Variants in PRKAG2 observed in about 807,000 individuals in gnomAD.
PRKAG2 encodes the protein protein kinase AMP-activated non-catalytic subunit gamma 2.
Under a neutral mutation model 69.6 loss-of-function variants are expected in PRKAG2, and 26 were observed. That is an observed-to-expected ratio of 0.37 (90% CI 0.27 to 0.52). PRKAG2 has a LOEUF of 0.52. PRKAG2 is among the 20% of genes least tolerant of loss of function. PRKAG2 has a pLI of 0.90. For synonymous variants in PRKAG2, 293 were observed against 285.0 expected, an observed-to-expected ratio of 1.03 and a Z score of -0.28; for missense variants, 557 against 740.0, an observed-to-expected ratio of 0.75 and a Z score of 2.87.
intron 15 of PRKAG2, chr7:151,558,488 G>A (rs1438328238): frequency 3.1e-6 from 3 of 980,434 alleles, no homozygotes; most frequent in African/African-American, 3.5e-5. Flanking sequence ...TGGGGCTGAA[G>A]GAGGTGAAGC....
intron 3 of PRKAG2, among the ~76,000 whole-genome samples, chr7:151,727,393 C>T (rs906079011): frequency 1.3e-5 from 2 of 152,032 alleles, no homozygotes; most frequent in East Asian, 1.9e-4. Flanking sequence ...GTGGGGAGGA[C>T]CCCAGGTGAG....
chr7:151,674,101 C>T (rs994663198), intron 4 of PRKAG2, among the ~76,000 whole-genome samples: 15 of 152,268 alleles, frequency 9.9e-5, no homozygotes, highest in African/African-American at 3.4e-4. Context: ...CCTTGGCCTT[C>T]CAAAGTGCTG....
At chr7:151,833,555 G>A (rs1013664612) in intron 1 of PRKAG2, among the ~76,000 whole-genome samples, 11 of 152,158 alleles carry the variant, frequency 7.2e-5, no homozygotes, top group African/African-American at 1.2e-4. Flanking sequence ...AGAGCGGGGC[G>A]GCAGGAGTGT....
chr7:151,726,959 T>C (rs1002978994), intron 3 of PRKAG2, among the ~76,000 whole-genome samples: 8 of 152,156 alleles, frequency 5.3e-5, no homozygotes, highest in African/African-American at 1.9e-4. Context: ...CTCACACCTG[T>C]AATCCCAGCG....
At chr7:151,864,071 G>A (rs2080000990) in intron 1 of PRKAG2, among the ~76,000 whole-genome samples, 1 of 152,204 alleles carries the variant, frequency 6.6e-6, no homozygotes, top group South Asian at 2.1e-4. Context: ...GAGGAGGGAG[G>A]TGATAGAGAA....
intron 5 of PRKAG2, among the ~76,000 whole-genome samples, chr7:151,604,639 C>T (rs12668489): frequency 0.36 from 54,148 of 151,564 alleles, 11,878 homozygotes; most frequent in East Asian, 0.53. Flanking sequence ...CTCTGTCACA[C>T]ACACATACAC....
At chr7:151,648,832 C>T (rs767163928) in intron 4 of PRKAG2, among the ~76,000 whole-genome samples, 25 of 151,932 alleles carry the variant, frequency 1.6e-4, no homozygotes, top group Non-Finnish European at 1.8e-4. Context: ...CCCAAGGCAA[C>T]ATAGTGAGAC....
chr7:151,610,094 T>C (rs1397799978), intron 5 of PRKAG2, among the ~76,000 whole-genome samples: 2 of 152,214 alleles, frequency 1.3e-5, no homozygotes, highest in Non-Finnish European at 2.9e-5. Flanking sequence ...AGAACCTTAG[T>C]GTGGCTCACA....
intron 1 of PRKAG2, among the ~76,000 whole-genome samples, chr7:151,826,193 T>TG (rs1462627184): frequency 2.0e-5 from 3 of 151,658 alleles, no homozygotes; most frequent in African/African-American, 7.3e-5. Context: ...TTGTTGTTGT[T>TG]TTTTTTTGAC....
At chr7:151,751,693 G>GTTTT (rs1422890201) in intron 3 of PRKAG2, among the ~76,000 whole-genome samples, 10 of 151,372 alleles carry the variant, frequency 6.6e-5, no homozygotes. Context: ...TTGTTTGTTT[G>GTTTT]TTTGTTTGTT....
At position 151,583,061 on chromosome 7, in the gene PRKAG2, C is replaced by T. The variant is rs1810855944; in HGVS notation, c.865-6609G>A. Reference sequence around the variant, plus strand: ...TTGGAGACAGGGTCTTACTCTGTTGCCCAGGCTCAAGTATAGTGGTATGAT... The same window carrying T: ...TTGGAGACAGGGTCTTACTCTGTTGTCCAGGCTCAAGTATAGTGGTATGAT... On this transcript the variant is annotated intron_variant, in intron 6 of 15. Transcript: ENST00000287878. This position sits in a 1 kb window ranked among gnomAD's most constrained non-coding sequence, Gnocchi z 4.1. Among the ~76,000 whole-genome samples, 2 of 152,188 alleles carry T rather than the reference C, an allele frequency of 1.3e-5. No homozygotes were observed. The highest frequency in any genetic ancestry group is 4.8e-5 in the African/African-American group (2 of 41,434).
intron 3 of PRKAG2, among the ~76,000 whole-genome samples, chr7:151,718,756 T>C (rs887842073): frequency 3.9e-5 from 6 of 152,050 alleles, no homozygotes; most frequent in African/African-American, 1.4e-4. Context: ...TCTGGGCCCG[T>C]AGCTGACTGG....
In PRKAG2 at chr7:151,807,912, G is replaced by A. The variant is rs182056425; in HGVS notation, c.115-21371C>T. Among the ~76,000 whole-genome samples the A allele has an allele frequency of 1.1e-3, 170 of 152,264 alleles. 1 individual carries two copies. In the East Asian group the frequency reaches 0.02, roughly 18 times the overall value. ...TAAAAGTCGGGGGAAGCCTGTAGTG[G>A]GGACGCTAGACTCAAGGGAAGGCTC... On this transcript the variant is annotated intron_variant, in intron 1 of 15. Coordinates refer to ENST00000287878, the MANE Select transcript of PRKAG2 (RefSeq NM_016203.4). The surrounding 1 kb of genome is among the most constrained non-coding windows in gnomAD (Gnocchi z 4.4).
In PRKAG2 at chr7:151,627,791, T is replaced by A. The variant is rs548367573; in HGVS notation, c.754+4278A>T. ...GATCCTCCCACCTCAGCCTCCCAAGTAGCCGGAACCACAGGCGTGCACCAC... is the reference window on the plus strand; with the variant it reads ...GATCCTCCCACCTCAGCCTCCCAAGAAGCCGGAACCACAGGCGTGCACCAC... On this transcript the variant is annotated intron_variant, in intron 5 of 15. Coordinates refer to ENST00000287878, the MANE Select transcript of PRKAG2 (RefSeq NM_016203.4). 1.6e-3 allele frequency among the ~76,000 whole-genome samples: 243 copies of A among 152,280 alleles called. 3 individuals carry two copies. The highest frequency in any genetic ancestry group is 5.6e-3 in the African/African-American group (231 of 41,566).
At chr7:151,859,898 C>T (rs550212484) in intron 1 of PRKAG2, among the ~76,000 whole-genome samples, 1 of 152,308 alleles carries the variant, frequency 6.6e-6, no homozygotes, top group African/African-American at 2.4e-5. Flanking sequence ...AAATCCAAGG[C>T]CATGGGAGTC....
At chr7:151,635,235 G>C (rs1330691459) in intron 4 of PRKAG2, among the ~76,000 whole-genome samples, 5 of 152,188 alleles carry the variant, frequency 3.3e-5, no homozygotes, top group Admixed American at 1.3e-4. Context: ...ACAGGCGTGA[G>C]CCACTGTGCC....
intron 4 of PRKAG2, among the ~76,000 whole-genome samples, chr7:151,669,032 C>T (rs1022645869): frequency 2.6e-5 from 4 of 152,234 alleles, no homozygotes; most frequent in African/African-American, 9.6e-5. Flanking sequence ...ACAAACGTCT[C>T]CATCGCAAGT....
chr7:151,705,769 G>A (rs1338125281), intron 3 of PRKAG2, among the ~76,000 whole-genome samples: 1 of 152,150 alleles, frequency 6.6e-6, no homozygotes, highest in East Asian at 1.9e-4. Context: ...TAGAGCAAGA[G>A]TGTTGACTCC....
At chr7:151,853,563 C>A (rs540879231) in intron 1 of PRKAG2, among the ~76,000 whole-genome samples, 8 of 152,122 alleles carry the variant, frequency 5.3e-5, no homozygotes, top group African/African-American at 1.9e-4. Context: ...TTGAGACCAT[C>A]TTGGCTAACA....
Sources: gnomAD v4.1 joint callset for allele counts (sites outside exome capture counted in the v4.1 genomes callset) on GRCh38, gnomAD v4.1.1 for gene constraint, Gnocchi (gnomAD v3.1) non-coding constraint, MANE v1.5 for transcripts, NCBI Gene and HGNC (gene_info 2026-07-23, HGNC 2026-07-21) for gene names.